Variants in CFAP58 observed in about 807,000 individuals in gnomAD.
CFAP58 encodes the protein cilia- and flagella-associated protein 58.
Under a neutral mutation model 119.5 loss-of-function variants are expected in CFAP58, and 88 were observed. The observed-to-expected ratio is 0.74, with a 90% CI of 0.62 to 0.88. The LOEUF is 0.88. CFAP58 is among the 40% of genes least tolerant of loss of function. CFAP58 has a pLI of 0.00. For synonymous variants in CFAP58, 365 were observed against 366.3 expected (o/e 1.00, Z 0.04); for missense variants, 990 against 1,021.2 (o/e 0.97, Z 0.42).
At chr10:104,373,634 G>A (rs752395312) in intron 7 of CFAP58, among the ~76,000 whole-genome samples, 12 of 152,108 alleles carry the variant, frequency 7.9e-5, no homozygotes, top group Non-Finnish European at 1.5e-4. Flanking sequence ...CAGCCTGGGT[G>A]ACAGAGCAAG....
At chr10:104,407,104 T>C (rs887722388) in intron 15 of CFAP58, among the ~76,000 whole-genome samples, 1 of 152,242 alleles carries the variant, frequency 6.6e-6, no homozygotes, top group Non-Finnish European at 1.5e-5. Context: ...TTTCTTCATA[T>C]CTTCATATAA....
intron 3 of CFAP58, among the ~76,000 whole-genome samples, chr10:104,364,424 TAA>T (rs1491494330): frequency 4.6e-5 from 5 of 108,940 alleles, no homozygotes; most frequent in African/African-American, 1.9e-4. Context: ...AAAATGTCTG[TAA>T]AACACACACA....
intron 15 of CFAP58, among the ~76,000 whole-genome samples, chr10:104,410,597 G>A (rs539877286): frequency 1.2e-4 from 19 of 152,302 alleles, no homozygotes; most frequent in African/African-American, 4.1e-4. Context: ...TCTGCTGTAC[G>A]TCTAATTGTT....
intron 15 of CFAP58, among the ~76,000 whole-genome samples, chr10:104,429,887 A>G (rs1403333055): frequency 6.8e-6 from 1 of 146,926 alleles, no homozygotes; most frequent in Non-Finnish European, 1.5e-5. Context: ...TTTTTTTCCC[A>G]CAGCCTCTCC....
At chr10:104,398,403 G>A (rs573739318) in intron 11 of CFAP58, among the ~76,000 whole-genome samples, 1 of 152,302 alleles carries the variant, frequency 6.6e-6, no homozygotes, top group African/African-American at 2.4e-5. Flanking sequence ...GCTTGCTTTT[G>A]TCTCTGTAAT....
chr10:104,389,338 C>G (rs1048639631), intron 9 of CFAP58, among the ~76,000 whole-genome samples: 5 of 152,170 alleles, frequency 3.3e-5, no homozygotes, highest in African/African-American at 9.7e-5. Context: ...ATGTTGTCTG[C>G]AGAAAGACAG....
intron 14 of CFAP58, 22 bp downstream of exon 14, chr10:104,403,862 TC>T: frequency 6.8e-7 from 1 of 1,472,246 alleles, no homozygotes. Context: ...CAGCGTGTTC[TC>T]CCCATCCCCA....
chr10:104,358,910 A>G (rs1230555046), intron 2 of CFAP58, among the ~76,000 whole-genome samples: 1 of 152,248 alleles, frequency 6.6e-6, no homozygotes. Context: ...GAATCTCAAT[A>G]TATCTTATTT....
chr10:104,358,656 A>G (rs757999505), intron 2 of CFAP58, 34 bp downstream of exon 2: 1 of 1,581,990 alleles, frequency 6.3e-7, no homozygotes, highest in Non-Finnish European at 8.6e-7. Context: ...ATGAACCTGA[A>G]TTTAAAACAT....
At chr10:104,413,706 ACATCATCATCATCATCATCAT>A (rs199893413) in intron 15 of CFAP58, among the ~76,000 whole-genome samples, 1 of 143,760 alleles carries the variant, frequency 7.0e-6, no homozygotes. Flanking sequence ...GGGTATCATT[ACATCATCATCATCATCATCAT>A]CATCATCATC....
At chr10:104,432,432 C>T (rs1383575374) in intron 15 of CFAP58, among the ~76,000 whole-genome samples, 1 of 151,798 alleles carries the variant, frequency 6.6e-6, no homozygotes, top group African/African-American at 2.4e-5. Context: ...ATTATCTTTC[C>T]TTTTGGCCTA....
chr10:104,451,935 T>A (rs1432915857), intron 17 of CFAP58, among the ~76,000 whole-genome samples: 1 of 151,950 alleles, frequency 6.6e-6, no homozygotes, highest in Non-Finnish European at 1.5e-5. Flanking sequence ...GACAGTGTTT[T>A]GTCATGTTGG....
chr10:104,449,060 C>T (rs1428229349), intron 16 of CFAP58, among the ~76,000 whole-genome samples: 12 of 152,054 alleles, frequency 7.9e-5, no homozygotes, highest in Admixed American at 6.6e-4. Context: ...CTGAGCATGT[C>T]TGCCAGTTTG....
At chr10:104,414,644 C>G (rs1483989907) in intron 15 of CFAP58, among the ~76,000 whole-genome samples, 1 of 152,024 alleles carries the variant, frequency 6.6e-6, no homozygotes, top group Non-Finnish European at 1.5e-5. Context: ...TGTCTTGCCG[C>G]TAATAACTCT....
intron 8 of CFAP58, 97 bp downstream of exon 8, chr10:104,376,990 C>A: frequency 1.1e-6 from 1 of 879,350 alleles, no homozygotes; most frequent in Non-Finnish European, 1.8e-6. Flanking sequence ...AACTCCGAGG[C>A]AAACAAAAGT....
At position 104,413,368 on chromosome 10, in the gene CFAP58, G is replaced by T. The variant is rs1463206985; in HGVS notation, c.2256+6575G>T. Among the ~76,000 whole-genome samples the T allele has an allele frequency of 3.9e-5, 6 of 152,140 alleles. 1 individual carries two copies. Among genetic ancestry groups the T allele is most frequent in the Non-Finnish European group, 8.8e-5 (6 of 68,030 alleles). Reference sequence around the variant, plus strand: ...TCTGTCAAAGTTCTTCCCTTGCTTGGGATTAACGTGAAAATGGTTCTTGAG... The same window carrying T: ...TCTGTCAAAGTTCTTCCCTTGCTTGTGATTAACGTGAAAATGGTTCTTGAG... On this transcript the variant is annotated intron_variant, in intron 15 of 17. Coordinates refer to ENST00000369704, the MANE Select transcript of CFAP58 (RefSeq NM_001008723.2).
chr10:104,339,203 A>C, the CFAP58 span, among the ~76,000 whole-genome samples: 3 of 152,330 alleles, frequency 2.0e-5, no homozygotes, highest in African/African-American at 7.2e-5. Flanking sequence ...ATGATAATCA[A>C]ATGCATGGTT....
the CFAP58 span, among the ~76,000 whole-genome samples, chr10:104,339,313 A>G: frequency 6.6e-6 from 1 of 152,214 alleles, no homozygotes; most frequent in Non-Finnish European, 1.5e-5. Flanking sequence ...CGGTAGATCA[A>G]GTGTTACTAC....
At chr10:104,442,788 A>C (rs2013059616) in intron 15 of CFAP58, among the ~76,000 whole-genome samples, 1 of 152,180 alleles carries the variant, frequency 6.6e-6, no homozygotes, top group Admixed American at 6.5e-5. Context: ...GTTGTACCTC[A>C]AGTGATTTTC....
Sources: allele counts gnomAD v4.1 joint callset (sites outside exome capture counted in the v4.1 genomes callset), GRCh38; gene constraint gnomAD v4.1.1; transcripts MANE v1.5; gene names NCBI Gene and HGNC (gene_info 2026-07-23, HGNC 2026-07-21).